PDE3B: variants seen among roughly 807,000 people sequenced by gnomAD.
PDE3B encodes phosphodiesterase 3B, also known as cGMP-inhibited 3',5'-cyclic phosphodiesterase 3B.
Under a neutral mutation model 116.8 loss-of-function variants are expected in PDE3B, and 66 were observed. The observed-to-expected ratio is 0.56, with a 90% CI of 0.46 to 0.69. The LOEUF (loss-of-function observed/expected upper bound fraction) is 0.69. Ranked by LOEUF, PDE3B falls within the 30% of genes least tolerant of loss-of-function variation. PDE3B has a pLI of 0.00. For synonymous variants in PDE3B, 595 were observed against 533.6 expected (o/e 1.12, Z -1.59); for missense variants, 1,384 against 1,368.1 (o/e 1.01, Z -0.18).
chr11:14,850,655 G>T (rs934287342), intron 12 of PDE3B, among the ~76,000 whole-genome samples: 1 of 151,982 alleles, frequency 6.6e-6, no homozygotes, highest in Non-Finnish European at 1.5e-5. Flanking sequence ...GAATATATTA[G>T]TGTATGTAAA....
In PDE3B at chr11:14,804,003, G is replaced by T; in HGVS notation, c.1475G>T (p.Arg492Met). 1 of 1,611,912 alleles carries T rather than the reference G, an allele frequency of 6.2e-7. No homozygotes were observed. Among genetic ancestry groups the T allele is most frequent in the South Asian group, 1.1e-5 (1 of 91,018 alleles). Reference sequence around the variant, plus strand: ...AATCTACTGACTATCCCGAAGCAAAGGTCATCTTCTGTATCACTGACTCAC... The same window carrying T: ...AATCTACTGACTATCCCGAAGCAAATGTCATCTTCTGTATCACTGACTCAC... ...NSNLLTIPKQ[R>M]SSSVSLTHHV... The change falls in exon 5 of 16, where the codon AGG becomes ATG. Residue 492 changes from arginine (R) to methionine (M), a missense_variant. By Grantham distance (91) the Arg-to-Met change is moderately conservative. Coordinates refer to ENST00000282096, the MANE Select transcript of PDE3B (RefSeq NM_000922.4).
chr11:14,814,424 G>T (rs775272871), intron 5 of PDE3B, among the ~76,000 whole-genome samples: 1 of 151,834 alleles, frequency 6.6e-6, no homozygotes, highest in Non-Finnish European at 1.5e-5. Context: ...TAATTGTACA[G>T]AAAAATTAAT....
chr11:14,715,434 C>G (rs889344521), intron 1 of PDE3B, among the ~76,000 whole-genome samples: 8 of 152,032 alleles, frequency 5.3e-5, no homozygotes, highest in African/African-American at 1.4e-4. Flanking sequence ...CTTTTATTTC[C>G]TTGAGCAGTG....
At chr11:14,857,581 C>T (rs1278479125) in intron 12 of PDE3B, among the ~76,000 whole-genome samples, 1 of 152,102 alleles carries the variant, frequency 6.6e-6, no homozygotes, top group Non-Finnish European at 1.5e-5. Context: ...TCATTTTCAC[C>T]ATGTCTTTGA....
chr11:14,686,208 TG>T (rs1261653091), intron 1 of PDE3B, among the ~76,000 whole-genome samples: 1 of 152,236 alleles, frequency 6.6e-6, no homozygotes, highest in Non-Finnish European at 1.5e-5. Context: ...TCTTCCTATC[TG>T]ACAAAGACAC....
intron 1 of PDE3B, among the ~76,000 whole-genome samples, chr11:14,661,499 T>C (rs7127312): frequency 0.64 from 97,289 of 152,102 alleles, 31,250 homozygotes; most frequent in Middle Eastern, 0.7. Flanking sequence ...CGAAGCAGGG[T>C]GAGGCATTGC....
intron 1 of PDE3B, among the ~76,000 whole-genome samples, chr11:14,661,504 C>T: frequency 6.6e-6 from 1 of 152,346 alleles, no homozygotes. Context: ...CAGGGTGAGG[C>T]ATTGCCTCAC....
intron 1 of PDE3B, among the ~76,000 whole-genome samples, chr11:14,690,573 G>A (rs1855016154): frequency 6.8e-6 from 1 of 147,808 alleles, no homozygotes; most frequent in Non-Finnish European, 1.5e-5. Flanking sequence ...TTCTCAGTAA[G>A]TATTCACCTT....
At chr11:14,828,828 A>G (rs1265012010) in intron 7 of PDE3B, among the ~76,000 whole-genome samples, 1 of 152,232 alleles carries the variant, frequency 6.6e-6, no homozygotes, top group Admixed American at 6.5e-5. Flanking sequence ...CCAAAGGAAT[A>G]TAAGTCATTC....
rs188215958 is a variant in PDE3B, at chr11:14,714,204, T to C, written c.979-57733T>C. Reference sequence around the variant, plus strand: ...TCCAGTCCAGGGGAGGGGAGGGTTATAGTCAGAAAAAAAGACCGTATAAAT... The same window carrying C: ...TCCAGTCCAGGGGAGGGGAGGGTTACAGTCAGAAAAAAAGACCGTATAAAT... On this transcript the variant is annotated intron_variant, in intron 1 of 15. Coordinates refer to ENST00000282096, the MANE Select transcript of PDE3B (RefSeq NM_000922.4). Among the ~76,000 whole-genome samples the C allele has an allele frequency of 7.0e-4, 107 of 151,886 alleles. 1 individual carries two copies. Among genetic ancestry groups the C allele is most frequent in the Non-Finnish European group, 1.2e-3 (82 of 67,946 alleles).
At chr11:14,793,599 T>C (rs1858457605) in intron 4 of PDE3B, among the ~76,000 whole-genome samples, 1 of 152,176 alleles carries the variant, frequency 6.6e-6, no homozygotes, top group Non-Finnish European at 1.5e-5. Context: ...CAGCCTTCTC[T>C]GAGGTCAAAC....
rs1565172865 is a variant in PDE3B, at chr11:14,869,974, T to C, written c.*314T>C. The C allele has an allele frequency of 5.2e-6, 1 of 193,212 alleles. No individual in the cohort carries two copies. The highest frequency in any genetic ancestry group is 1.0e-5 in the Non-Finnish European group (1 of 95,382). 12.0% of individuals were successfully genotyped at this position (193,212 alleles called of 1,614,324 possible). A position where few individuals can be genotyped will look rare whatever the true frequency, so the allele number is the denominator to read the frequency against. On this transcript the variant is annotated 3_prime_UTR_variant, in exon 16 of 16. Transcript: ENST00000282096. Reference sequence around the variant, plus strand: ...TGCTTTGCTGGGTAGTGAGCTCTTATTTTTCACTGGGGGTCAGCTATAACT... The same window carrying C: ...TGCTTTGCTGGGTAGTGAGCTCTTACTTTTCACTGGGGGTCAGCTATAACT...
At chr11:14,726,384 G>A (rs1460240800) in intron 1 of PDE3B, among the ~76,000 whole-genome samples, 1 of 152,074 alleles carries the variant, frequency 6.6e-6, no homozygotes, top group Non-Finnish European at 1.5e-5. Flanking sequence ...TATATAATAT[G>A]TGGGTTCCAT....
At chr11:14,736,724 C>G (rs532071283) in intron 1 of PDE3B, among the ~76,000 whole-genome samples, 1 of 152,140 alleles carries the variant, frequency 6.6e-6, no homozygotes, top group African/African-American at 2.4e-5. Flanking sequence ...TTCTGGAATA[C>G]TGGAGATAGA....
chr11:14,683,571 T>A (rs1854778572), intron 1 of PDE3B, among the ~76,000 whole-genome samples: 1 of 152,088 alleles, frequency 6.6e-6, no homozygotes, highest in Admixed American at 6.5e-5. Context: ...TTTTTTTCTT[T>A]ATCAGTTTTG....
At chr11:14,681,711 A>G (rs1056322139) in intron 1 of PDE3B, among the ~76,000 whole-genome samples, 9 of 152,242 alleles carry the variant, frequency 5.9e-5, no homozygotes, top group Admixed American at 1.3e-4. Context: ...GCTCTTTGCT[A>G]GTATATAGAA....
At chr11:14,674,873 A>G (rs1472071483) in intron 1 of PDE3B, among the ~76,000 whole-genome samples, 1 of 152,188 alleles carries the variant, frequency 6.6e-6, no homozygotes, top group African/African-American at 2.4e-5. Context: ...GAAAGAGAGT[A>G]TGTATGAGTC....
chr11:14,849,635 T>G (rs995034625), intron 12 of PDE3B, among the ~76,000 whole-genome samples: 1 of 151,730 alleles, frequency 6.6e-6, no homozygotes, highest in African/African-American at 2.4e-5. Context: ...TCAAACAAAT[T>G]TACAAGAAAA....
chr11:14,706,876 A>C (rs1236526286), intron 1 of PDE3B, among the ~76,000 whole-genome samples: 1 of 151,948 alleles, frequency 6.6e-6, no homozygotes, highest in African/African-American at 2.4e-5. Flanking sequence ...ATTTTGGTAC[A>C]TGCCATATTA....
Sources: allele counts gnomAD v4.1 joint callset (sites outside exome capture counted in the v4.1 genomes callset), GRCh38; gene constraint gnomAD v4.1.1; transcripts MANE v1.5; gene names NCBI Gene and HGNC (gene_info 2026-07-23, HGNC 2026-07-21).